The following GNAI3 variants were observed in gnomAD, a reference collection of about 807,000 sequenced individuals.
GNAI3 encodes guanine nucleotide-binding protein G(i) subunit alpha-3.
A neutral mutation model predicts 41.8 loss-of-function variants in GNAI3; 12 were observed. The observed-to-expected ratio is 0.29, with a 90% CI of 0.18 to 0.47. The LOEUF (loss-of-function observed/expected upper bound fraction) is 0.47. GNAI3 is among the 20% of genes least tolerant of loss of function. The pLI is 1.00. For synonymous variants in GNAI3, 132 were observed against 146.5 expected, an observed-to-expected ratio of 0.90 and a Z score of 0.71; for missense variants, 360 against 429.6, an observed-to-expected ratio of 0.84 and a Z score of 1.43.
intron 1 of GNAI3, among the ~76,000 whole-genome samples, chr1:109,571,233 G>A (rs955401305): frequency 1.3e-5 from 2 of 152,116 alleles, no homozygotes; most frequent in Non-Finnish European, 2.9e-5. Context: ...TCAGTTTTGA[G>A]CATTTTAGGT....
Position 109,573,791 on chromosome 1 carries a change from T to A in GNAI3, c.161+12T>A, listed in dbSNP as rs201688939. ...GTGAAACAGATGAAGTAAGTTGGAA[T>A]GTAGCGTTTTGTTAGACTAGGATTT... On this transcript the variant is annotated intron_variant, in intron 2 of 8. Transcript: ENST00000369851. The A allele has an allele frequency of 9.5e-5, 153 of 1,608,114 alleles. No homozygotes were observed. Among genetic ancestry groups the A allele is most frequent in the Non-Finnish European group, 1.3e-4 (147 of 1,174,620 alleles).
chr1:109,572,219 A>G (rs1189205694), intron 1 of GNAI3, among the ~76,000 whole-genome samples: 1 of 152,060 alleles, frequency 6.6e-6, no homozygotes, highest in Non-Finnish European at 1.5e-5. Context: ...CTGAGGCAGG[A>G]GAATTGCTTG....
intron 1 of GNAI3, among the ~76,000 whole-genome samples, chr1:109,572,139 G>A (rs147807735): frequency 0.019 from 2,923 of 151,882 alleles, 89 homozygotes; most frequent in African/African-American, 0.067. Flanking sequence ...GAAAAACCCT[G>A]TCTCTACTAA....
intron 5 of GNAI3, among the ~76,000 whole-genome samples, chr1:109,584,160 G>T (rs1227943367): frequency 6.6e-6 from 1 of 152,096 alleles, no homozygotes; most frequent in Non-Finnish European, 1.5e-5. Context: ...CACAGGATTT[G>T]TGAAATCCAC....
chr1:109,577,269 G>GTTTTTTT lies in GNAI3; in HGVS notation c.304-1933_304-1927dup, dbSNP rs1395067814. Reference sequence around the variant, plus strand: ...GGGGCATATAGATCTTAGCTAAGGTGTTTTTTTTGTTTTTTTTTTTTTTTT... The same window carrying GTTTTTTT: ...GGGGCATATAGATCTTAGCTAAGGTGTTTTTTTTTTTTTTTGTTTTTTTTTTTTTTTT... On this transcript the variant is annotated intron_variant, in intron 3 of 8. Transcript: ENST00000369851. Among the ~76,000 whole-genome samples, 7 of 138,998 alleles carry GTTTTTTT rather than the reference G, an allele frequency of 5.0e-5. 1 individual carries two copies. Among genetic ancestry groups the GTTTTTTT allele is most frequent in the African/African-American group, 1.9e-4 (7 of 36,754 alleles). 91.2% of individuals were successfully genotyped at this position (138,998 alleles called of 152,430 possible).
intron 1 of GNAI3, among the ~76,000 whole-genome samples, chr1:109,565,499 A>T (rs1476888720): frequency 2.0e-5 from 3 of 152,138 alleles, no homozygotes. Context: ...CTGAATAAAG[A>T]TAGCATAGGA....
intron 1 of GNAI3, among the ~76,000 whole-genome samples, chr1:109,556,505 T>G (rs1360118978): frequency 3.3e-5 from 5 of 152,214 alleles, no homozygotes; most frequent in Admixed American, 3.3e-4. Flanking sequence ...GGACAATTTT[T>G]TACTTGGAAT....
chr1:109,553,403 A>G (rs1362772492), intron 1 of GNAI3, among the ~76,000 whole-genome samples: 1 of 152,208 alleles, frequency 6.6e-6, no homozygotes, highest in Non-Finnish European at 1.5e-5. Context: ...AGCCAGTTGC[A>G]TGCAGAGAAC....
intron 3 of GNAI3, among the ~76,000 whole-genome samples, chr1:109,578,436 C>A (rs145129276): frequency 0.08 from 11,236 of 140,356 alleles, 569 homozygotes; most frequent in Non-Finnish European, 0.11. Context: ...CATCATTGCA[C>A]TCCAGCCTGA....
chr1:109,564,654 C>T (rs1256852782), intron 1 of GNAI3, among the ~76,000 whole-genome samples: 2 of 152,130 alleles, frequency 1.3e-5, no homozygotes, highest in Non-Finnish European at 2.9e-5. Flanking sequence ...GTCACATAGG[C>T]CACCAACAGC....
At position 109,582,460 on chromosome 1, in the gene GNAI3, T is replaced by C. The variant is rs771785264; in HGVS notation, c.485T>C (p.Ile162Thr). The C allele has an allele frequency of 6.2e-7, 1 of 1,604,800 alleles. No homozygotes were observed. The highest frequency in any genetic ancestry group is 8.5e-7 in the Non-Finnish European group (1 of 1,171,468). Residue 162 changes from isoleucine (I) to threonine (T), a missense_variant, in exon 5 of 9, where the codon ATA (isoleucine) becomes ACA (threonine). By Grantham distance (89) the Ile-to-Thr change is moderately conservative. Transcript: ENST00000369851. The part of the protein sequence containing the change: ...ASYYLNDLDR[I>T]SQSNYIPTQQ... ...AGTTATCTAAATGATCTGGATAGAA[T>C]ATCCCAGTCTAACTACATTCCAACT...
intron 3 of GNAI3, among the ~76,000 whole-genome samples, chr1:109,574,361 A>G (rs1648684123): frequency 6.6e-6 from 1 of 151,756 alleles, no homozygotes; most frequent in South Asian, 2.1e-4. Context: ...AAAATAATCT[A>G]AGAGAAAGGT....
chr1:109,561,706 T>C (rs1376859018), intron 1 of GNAI3, among the ~76,000 whole-genome samples: 1 of 152,184 alleles, frequency 6.6e-6, no homozygotes, highest in Non-Finnish European at 1.5e-5. Context: ...ACAGAAGGAA[T>C]AGCCAATTTT....
intron 3 of GNAI3, 45 bp from the exon 4 acceptor site, chr1:109,579,159 A>G: frequency 6.6e-7 from 1 of 1,511,338 alleles, no homozygotes; most frequent in Non-Finnish European, 9.0e-7. Context: ...TCAAGTCTTA[A>G]AGAAATGGAG....
At chr1:109,575,524 C>G (rs1178177964) in intron 3 of GNAI3, among the ~76,000 whole-genome samples, 1 of 142,580 alleles carries the variant, frequency 7.0e-6, no homozygotes, top group Non-Finnish European at 1.5e-5. Context: ...ATCTCCCTAC[C>G]CTTTCATTTC....
intron 7 of GNAI3, among the ~76,000 whole-genome samples, chr1:109,588,655 G>A (rs1389591161): frequency 6.6e-6 from 1 of 152,138 alleles, no homozygotes; most frequent in African/African-American, 2.4e-5. Context: ...AGCACTTTGG[G>A]AGGCCGTGGC....
intron 1 of GNAI3, among the ~76,000 whole-genome samples, chr1:109,561,026 A>C (rs1648297175): frequency 6.6e-6 from 1 of 152,208 alleles, no homozygotes; most frequent in Non-Finnish European, 1.5e-5. Flanking sequence ...TATAATGATA[A>C]AACTATGACC....
intron 1 of GNAI3, among the ~76,000 whole-genome samples, chr1:109,562,109 T>C (rs1049425772): frequency 6.6e-6 from 1 of 152,214 alleles, no homozygotes; most frequent in Non-Finnish European, 1.5e-5. Flanking sequence ...TATATGAATA[T>C]ATGTGTGTAT....
chr1:109,568,511 G>A lies in GNAI3; in HGVS notation c.119-5226G>A, dbSNP rs992029623. Among the ~76,000 whole-genome samples, 8 of 152,010 alleles carry A rather than the reference G, an allele frequency of 5.3e-5. No homozygotes were observed. In the East Asian group the frequency reaches 1.5e-3, roughly 29 times the overall value. On this transcript the variant is annotated intron_variant, in intron 1 of 8. Coordinates refer to ENST00000369851, the MANE Select transcript of GNAI3 (RefSeq NM_006496.4). ...CAGTGAGCTGTGATTACGCCACTAC[G>A]CTCCAGCCTGGGTGACAGAGCAAGA...
Sources: gnomAD v4.1 joint callset for allele counts (sites outside exome capture counted in the v4.1 genomes callset) on GRCh38, gnomAD v4.1.1 for gene constraint, MANE v1.5 for transcripts, NCBI Gene and HGNC (gene_info 2026-07-23, HGNC 2026-07-21) for gene names.